The following MYO3B variants were observed in gnomAD, a reference collection of about 807,000 sequenced individuals.
MYO3B encodes myosin IIIB.
MYO3B carries 156 observed loss-of-function variants against 174.6 expected under a neutral mutation model. That is an observed-to-expected ratio of 0.89 (90% CI 0.78 to 1.02). The LOEUF is 1.02. Ranked by LOEUF, MYO3B falls within the 50% of genes least tolerant of loss-of-function variation. The pLI is 0.00. For missense variants in MYO3B, 1,632 were observed against 1,639.4 expected (o/e 1.00, Z 0.08); for synonymous variants, 563 against 569.1 (o/e 0.99, Z 0.15).
chr2:170,605,596 G>A (rs914835873), intron 32 of MYO3B, among the ~76,000 whole-genome samples: 1 of 152,142 alleles, frequency 6.6e-6, no homozygotes, highest in African/African-American at 2.4e-5. Flanking sequence ...GGTGGCTCAC[G>A]CCTGCAATCC....
chr2:170,263,658 C>T (rs1321767010), intron 7 of MYO3B, among the ~76,000 whole-genome samples: 1 of 152,178 alleles, frequency 6.6e-6, no homozygotes, highest in Non-Finnish European at 1.5e-5. Flanking sequence ...CAGCATGTCT[C>T]ACCTCCAGCC....
intron 22 of MYO3B, among the ~76,000 whole-genome samples, chr2:170,413,666 C>T (rs60794918): frequency 0.13 from 18,983 of 151,352 alleles, 1,371 homozygotes; most frequent in East Asian, 0.29. Flanking sequence ...GAGTAAATTT[C>T]TGTATAAAAT....
chr2:170,391,998 T>C (rs1209369089), intron 15 of MYO3B, among the ~76,000 whole-genome samples: 5 of 151,930 alleles, frequency 3.3e-5, no homozygotes, highest in African/African-American at 1.2e-4. Context: ...CTACAATTTT[T>C]TTTTTAATTA....
chr2:170,181,583 C>G (rs2092398985), intron 1 of MYO3B, among the ~76,000 whole-genome samples: 1 of 152,122 alleles, frequency 6.6e-6, no homozygotes, highest in African/African-American at 2.4e-5. Context: ...ATTCCTGTAT[C>G]AGATGAAGAA....
chr2:170,592,278 T>C (rs1693865110), intron 32 of MYO3B, among the ~76,000 whole-genome samples: 1 of 152,198 alleles, frequency 6.6e-6, no homozygotes, highest in Admixed American at 6.5e-5. Flanking sequence ...TATTGTGAAG[T>C]TGGTGGTAAA....
rs918794976 is a variant in MYO3B at position 170,214,252 on chromosome 2, C to G, written c.322-127C>G. On this transcript the variant is annotated intron_variant, in intron 3 of 34. Transcript: ENST00000408978. Reference sequence around the variant, plus strand: ...AAATGTGAAGTCTGAGTATTCCAAGCTGGAGTTTTGTAATCTGCAAATTTA... The same window carrying G: ...AAATGTGAAGTCTGAGTATTCCAAGGTGGAGTTTTGTAATCTGCAAATTTA... The G allele has an allele frequency of 3.6e-5, 23 of 645,632 alleles. No individual in the cohort carries two copies. The African/African-American group carries it at 3.8e-4, about 11-fold the overall frequency. 40.0% of individuals were successfully genotyped at this position (645,632 alleles called of 1,614,324 possible).
chr2:170,610,951 A>C (rs1295918181), intron 32 of MYO3B, among the ~76,000 whole-genome samples: 1 of 152,202 alleles, frequency 6.6e-6, no homozygotes, highest in African/African-American at 2.4e-5. Flanking sequence ...AAGCTATACT[A>C]TCATGGAAAA....
At chr2:170,343,072 CA>C (rs2093989053) in intron 8 of MYO3B, among the ~76,000 whole-genome samples, 2 of 150,438 alleles carry the variant, frequency 1.3e-5, no homozygotes, top group Non-Finnish European at 1.5e-5. Context: ...CACACACACA[CA>C]CACACCCCTC....
chr2:170,642,942 G>A (rs999862548), intron 32 of MYO3B, among the ~76,000 whole-genome samples: 59 of 151,880 alleles, frequency 3.9e-4, no homozygotes, highest in African/African-American at 1.3e-3. Context: ...ACTTTCTGCT[G>A]ATATGGTTCT....
At chr2:170,291,496 C>T (rs1191178750) in intron 7 of MYO3B, among the ~76,000 whole-genome samples, 1 of 152,138 alleles carries the variant, frequency 6.6e-6, no homozygotes, top group Non-Finnish European at 1.5e-5. Flanking sequence ...TGGGTTTGTC[C>T]ATGCAATTAC....
chr2:170,303,173 CTG>C (rs2093677328), intron 7 of MYO3B, among the ~76,000 whole-genome samples: 1 of 152,074 alleles, frequency 6.6e-6, no homozygotes, highest in Non-Finnish European at 1.5e-5. Flanking sequence ...GAATGGAAAA[CTG>C]TTTTTTTAAG....
intron 25 of MYO3B, among the ~76,000 whole-genome samples, chr2:170,485,107 G>A (rs10202696): frequency 0.035 from 5,250 of 151,968 alleles, 294 homozygotes; most frequent in African/African-American, 0.12. Flanking sequence ...ATGACTGGGG[G>A]CGTTTCTACT....
chr2:170,540,662 C>CAA (rs146736182), intron 30 of MYO3B, among the ~76,000 whole-genome samples: 72 of 143,530 alleles, frequency 5.0e-4, no homozygotes, highest in Middle Eastern at 3.5e-3. Context: ...AAACAAAAAA[C>CAA]AACAAAAAAA....
At chr2:170,470,395 C>T (rs1003956470) in intron 25 of MYO3B, among the ~76,000 whole-genome samples, 2 of 152,062 alleles carry the variant, frequency 1.3e-5, no homozygotes, top group South Asian at 4.1e-4. Flanking sequence ...AGCATGTTTT[C>T]AGTGTTGGAT....
chr2:170,288,303 A>G (rs1293726614), intron 7 of MYO3B, among the ~76,000 whole-genome samples: 1 of 151,704 alleles, frequency 6.6e-6, no homozygotes, highest in African/African-American at 2.4e-5. Flanking sequence ...GAATCTGTAA[A>G]TTGCTTTGAG....
chr2:170,313,145 C>T (rs2093751116), intron 7 of MYO3B, among the ~76,000 whole-genome samples: 1 of 152,174 alleles, frequency 6.6e-6, no homozygotes, highest in Non-Finnish European at 1.5e-5. Flanking sequence ...AAATATTGCA[C>T]TGTTTGGCAC....
At chr2:170,426,436 C>T (rs1317564774) in intron 22 of MYO3B, among the ~76,000 whole-genome samples, 4 of 150,766 alleles carry the variant, frequency 2.7e-5, no homozygotes, top group East Asian at 2.1e-4. Flanking sequence ...CCTGGGTTCA[C>T]GCCATTCTAC....
intron 6 of MYO3B, among the ~76,000 whole-genome samples, chr2:170,220,848 G>C (rs957753106): frequency 6.6e-6 from 1 of 152,108 alleles, no homozygotes; most frequent in African/African-American, 2.4e-5. Flanking sequence ...TTCAAGTGCA[G>C]GATTCTCTCA....
chr2:170,313,823 T>C (rs1268599361), intron 7 of MYO3B, among the ~76,000 whole-genome samples: 2 of 152,128 alleles, frequency 1.3e-5, no homozygotes, highest in Non-Finnish European at 2.9e-5. Flanking sequence ...AATTGTAATC[T>C]ATTTTCCACC....
Sources: gnomAD v4.1 joint callset for allele counts (sites outside exome capture counted in the v4.1 genomes callset) on GRCh38, gnomAD v4.1.1 for gene constraint, MANE v1.5 for transcripts, NCBI Gene and HGNC (gene_info 2026-07-23, HGNC 2026-07-21) for gene names.